CFAP299: variants seen among roughly 807,000 people sequenced by gnomAD.
The protein encoded by CFAP299 is cilia- and flagella-associated protein 299.
A neutral mutation model predicts 27.0 loss-of-function variants in CFAP299; 21 were observed. The observed-to-expected ratio is 0.78, with a 90% CI of 0.55 to 1.12. The LOEUF (loss-of-function observed/expected upper bound fraction) is 1.12. CFAP299 is among the 50% of genes most tolerant of loss of function. The probability of loss-of-function intolerance (pLI) is 0.00; values close to 1 mark genes in which losing one functional copy is unlikely to be tolerated. For missense variants in CFAP299, 310 were observed against 276.6 expected (o/e 1.12, Z -0.86); for synonymous variants, 104 against 98.1 (o/e 1.06, Z -0.36).
At chr4:80,362,601 T>G (rs1328149819) in intron 1 of CFAP299, among the ~76,000 whole-genome samples, 153 bp from the exon 2 acceptor site, 1 of 152,182 alleles carries the variant, frequency 6.6e-6, no homozygotes, top group East Asian at 1.9e-4. Context: ...CTAGTTTTTT[T>G]ATATCTAATA....
chr4:80,736,878 G>A lies in CFAP299; in HGVS notation c.334-133115G>A, dbSNP rs186159933. On this transcript the variant is annotated intron_variant, in intron 3 of 5. Coordinates refer to ENST00000358105, the MANE Select transcript of CFAP299 (RefSeq NM_152770.3). ...CACATGCACAGGTATGTTTATTGCT[G>A]CATTATTCACAATAGCAAAGACTTG... is the stretch of plus-strand genomic sequence containing the variant. Among the ~76,000 whole-genome samples, 4 of 152,216 alleles carry A rather than the reference G, an allele frequency of 2.6e-5. No homozygotes were observed. The East Asian group carries it at 7.7e-4, about 29-fold the overall frequency.
intron 4 of CFAP299, among the ~76,000 whole-genome samples, chr4:80,888,752 T>A (rs915635393): frequency 6.6e-6 from 1 of 151,834 alleles, no homozygotes; most frequent in African/African-American, 2.4e-5. Flanking sequence ...TTCAAAAAAA[T>A]TGAAACAATA....
At chr4:80,455,520 T>G (rs929937357) in intron 2 of CFAP299, among the ~76,000 whole-genome samples, 3 of 152,050 alleles carry the variant, frequency 2.0e-5, no homozygotes, top group Admixed American at 2.0e-4. Flanking sequence ...CAGAATACTA[T>G]GCCAAAGCAA....
chr4:80,707,271 C>G (rs1721877485), intron 3 of CFAP299, among the ~76,000 whole-genome samples: 1 of 151,850 alleles, frequency 6.6e-6, no homozygotes, highest in East Asian at 1.9e-4. Flanking sequence ...TGAGATGAGA[C>G]TGGTTTTTAA....
At chr4:80,636,382 C>T (rs1443018331) in intron 3 of CFAP299, among the ~76,000 whole-genome samples, 2 of 151,916 alleles carry the variant, frequency 1.3e-5, no homozygotes, top group African/African-American at 2.4e-5. Context: ...GTTTATTTTT[C>T]AAAGAAAAGC....
At chr4:80,961,807 C>A (rs943773396) in intron 5 of CFAP299, among the ~76,000 whole-genome samples, 1 of 151,758 alleles carries the variant, frequency 6.6e-6, no homozygotes, top group Non-Finnish European at 1.5e-5. Flanking sequence ...CAAATAACAA[C>A]CAATAAAAAT....
At chr4:80,552,625 A>G (rs563531672) in intron 2 of CFAP299, among the ~76,000 whole-genome samples, 3 of 152,232 alleles carry the variant, frequency 2.0e-5, no homozygotes, top group Non-Finnish European at 4.4e-5. Flanking sequence ...TTTTGCTAAC[A>G]TGAAAGATGA....
At chr4:80,769,787 A>G (rs1270647878) in intron 3 of CFAP299, among the ~76,000 whole-genome samples, 1 of 152,196 alleles carries the variant, frequency 6.6e-6, no homozygotes, top group Non-Finnish European at 1.5e-5. Flanking sequence ...AGCCAAAATC[A>G]AGGTGTTGAC....
intron 3 of CFAP299, among the ~76,000 whole-genome samples, chr4:80,816,545 A>G (rs1729431270): frequency 6.6e-6 from 1 of 152,002 alleles, no homozygotes; most frequent in Non-Finnish European, 1.5e-5. Flanking sequence ...CATGCCAGCT[A>G]TATTTCTCAG....
intron 3 of CFAP299, among the ~76,000 whole-genome samples, chr4:80,831,111 G>T (rs1035028478): frequency 5.9e-5 from 9 of 152,082 alleles, no homozygotes; most frequent in Middle Eastern, 3.2e-3. Context: ...TCTCAAATTG[G>T]GTAGATGGTA....
At chr4:80,658,683 T>A (rs918936304) in intron 3 of CFAP299, among the ~76,000 whole-genome samples, 7 of 152,152 alleles carry the variant, frequency 4.6e-5, no homozygotes, top group African/African-American at 1.4e-4. Context: ...AGTAAGTGGT[T>A]TCCTCTCTAT....
chr4:80,586,731 G>A lies in CFAP299; in HGVS notation c.333+3548G>A, dbSNP rs543235070. On this transcript the variant is annotated intron_variant, in intron 3 of 5. Transcript: ENST00000358105. ...AAACTAAGAATCCCTGATTTGTTGA[G>A]TGAAAAAAAATAAAACATTTCCTTT... Among the ~76,000 whole-genome samples the A allele has an allele frequency of 3.9e-5, 6 of 151,982 alleles. No individual in the cohort carries two copies. In the East Asian group the frequency reaches 1.2e-3, roughly 29 times the overall value.
intron 3 of CFAP299, among the ~76,000 whole-genome samples, chr4:80,717,401 A>G (rs1196140555): frequency 6.6e-6 from 1 of 152,130 alleles, no homozygotes; most frequent in African/African-American, 2.4e-5. Context: ...TTCTCCCATG[A>G]CATTTGAGAT....
intron 2 of CFAP299, among the ~76,000 whole-genome samples, chr4:80,545,216 T>C (rs1734168525): frequency 1.3e-5 from 2 of 152,194 alleles, no homozygotes; most frequent in South Asian, 4.1e-4. Flanking sequence ...AAGAGGAAAG[T>C]TTACAGCACT....
chr4:80,382,143 T>C (rs537808663), intron 2 of CFAP299, among the ~76,000 whole-genome samples: 1 of 152,288 alleles, frequency 6.6e-6, no homozygotes, highest in Admixed American at 6.5e-5. Flanking sequence ...CCTCACACCA[T>C]ATTCAAAAAT....
chr4:80,622,887 C>T (rs577564244), intron 3 of CFAP299, among the ~76,000 whole-genome samples: 38 of 152,206 alleles, frequency 2.5e-4, no homozygotes, highest in Admixed American at 1.8e-3. Context: ...GAATGACTCT[C>T]GCTCAATCAA....
chr4:80,575,265 G>A (rs1735794893), intron 2 of CFAP299, among the ~76,000 whole-genome samples: 1 of 151,814 alleles, frequency 6.6e-6, no homozygotes, highest in Non-Finnish European at 1.5e-5. Flanking sequence ...ACTCATAGTA[G>A]CCTCTAATAA....
chr4:80,462,003 C>T (rs1046820459), intron 2 of CFAP299, among the ~76,000 whole-genome samples: 24 of 152,044 alleles, frequency 1.6e-4, no homozygotes, highest in African/African-American at 4.1e-4. Context: ...CTTATGACTC[C>T]GCTTGGATTC....
In CFAP299 at chr4:80,638,583, T is replaced by C. The variant is rs75617258; in HGVS notation, c.333+55400T>C. Among the ~76,000 whole-genome samples, 883 of 152,310 alleles carry C rather than the reference T, an allele frequency of 5.8e-3. 39 individuals carry two copies. The East Asian group carries it at 0.12, about 21-fold the overall frequency. ...GTCCAACACTTGAGTCATGCTTCCC[T>C]GAGAATATAAGGATGCAGCTACAGG... On this transcript the variant is annotated intron_variant, in intron 3 of 5. Transcript: ENST00000358105.
Sources: allele counts gnomAD v4.1 joint callset (sites outside exome capture counted in the v4.1 genomes callset), GRCh38; gene constraint gnomAD v4.1.1; transcripts MANE v1.5; gene names NCBI Gene and HGNC (gene_info 2026-07-23, HGNC 2026-07-21).